The following DLG2 variants were observed in gnomAD, a reference collection of about 807,000 sequenced individuals.
DLG2 encodes the protein discs large MAGUK scaffold protein 2.
DLG2 carries 45 observed loss-of-function variants against 132.5 expected under a neutral mutation model. The observed-to-expected ratio is 0.34, with a 90% CI of 0.27 to 0.44. DLG2 has a LOEUF of 0.44. DLG2 is among the 20% of genes least tolerant of loss of function. The pLI is 1.00. For synonymous variants in DLG2, 424 were observed against 419.6 expected (o/e 1.01, Z -0.13); for missense variants, 1,045 against 1,196.9 (o/e 0.87, Z 1.87).
intron 7 of DLG2, among the ~76,000 whole-genome samples, chr11:84,412,894 C>T (rs1383515177): frequency 2.0e-5 from 3 of 152,182 alleles, no homozygotes; most frequent in Non-Finnish European, 4.4e-5. Flanking sequence ...GTATACTTCT[C>T]TAAGATTCCT....
chr11:84,906,411 C>G lies in DLG2; in HGVS notation c.357+205250G>C, dbSNP rs867965199. 2.8e-4 allele frequency among the ~76,000 whole-genome samples: 39 copies of G among 137,440 alleles called. 1 individual carries two copies. Among genetic ancestry groups the G allele is most frequent in the Middle Eastern group, 3.8e-3 (1 of 262 alleles). The allele number at this position is 137,440 out of a possible 152,430, so 90.2% of individuals were successfully genotyped here. The stretch of plus-strand genomic sequence containing the variant: ...ACACACACACACACACACACACACA[C>G]ACAGAGAGCCAAGGGGTGGCAATAA... On this transcript the variant is annotated intron_variant, in intron 6 of 27. Transcript: ENST00000376104.
chr11:84,946,066 C>T (rs967739950), intron 6 of DLG2, among the ~76,000 whole-genome samples: 1 of 152,106 alleles, frequency 6.6e-6, no homozygotes, highest in Non-Finnish European at 1.5e-5. Context: ...CTTCGGTCAG[C>T]TTGTGGTGAA....
At chr11:84,124,927 C>T (rs899048459) in intron 9 of DLG2, among the ~76,000 whole-genome samples, 1 of 149,398 alleles carries the variant, frequency 6.7e-6, no homozygotes, top group East Asian at 2.0e-4. Context: ...CTTGGCTTAC[C>T]GCAACATTTG....
intron 6 of DLG2, among the ~76,000 whole-genome samples, chr11:84,865,046 G>A (rs906146383): frequency 2.6e-5 from 4 of 152,072 alleles, no homozygotes; most frequent in Admixed American, 2.0e-4. Context: ...TTTAAAAAGG[G>A]CTTGACAGTG....
chr11:84,796,996 TC>T (rs1227471427), intron 6 of DLG2, among the ~76,000 whole-genome samples: 2 of 151,636 alleles, frequency 1.3e-5, no homozygotes, highest in Non-Finnish European at 2.9e-5. Context: ...ACAGGATGCA[TC>T]ACCACACCTG....
chr11:85,009,083 G>C lies in DLG2; in HGVS notation c.357+102578C>G, dbSNP rs2058935471. Among the ~76,000 whole-genome samples, 3 of 152,040 alleles carry C rather than the reference G, an allele frequency of 2.0e-5. No individual in the cohort carries two copies. In the South Asian group the frequency reaches 6.2e-4, roughly 32 times the overall value. Reference sequence around the variant, plus strand: ...CTGAAATATAGAAATTAATAAGAGAGTTACAGGAGATGAAACTAGAGGAAA... The same window carrying C: ...CTGAAATATAGAAATTAATAAGAGACTTACAGGAGATGAAACTAGAGGAAA... On this transcript the variant is annotated intron_variant, in intron 6 of 27. Transcript: ENST00000376104.
chr11:85,046,229 C>T (rs2062333620), intron 6 of DLG2, among the ~76,000 whole-genome samples: 1 of 152,134 alleles, frequency 6.6e-6, no homozygotes, highest in South Asian at 2.1e-4. Flanking sequence ...GCTGTGTTAT[C>T]TACCACAGGG....
Position 83,718,140 on chromosome 11 carries a change from C to T in DLG2, c.1825+68550G>A, listed in dbSNP as rs80347228. On this transcript the variant is annotated intron_variant, in intron 18 of 27. Coordinates refer to ENST00000376104, the MANE Select transcript of DLG2 (RefSeq NM_001142699.3). ...AAATTAAAATGCAATAGTTTAAATT[C>T]TATAGGTGCACAGAGGAAAGGGAGC... 1.5e-3 allele frequency among the ~76,000 whole-genome samples: 226 copies of T among 152,262 alleles called. 1 individual carries two copies. Among genetic ancestry groups the T allele is most frequent in the African/African-American group, 5.2e-3 (214 of 41,530 alleles).
rs186545752 is a variant in DLG2 at position 85,187,136 on chromosome 11, G to A, written c.187-32485C>T. ...AAACCAACCTCGAAATCACATCTCA[G>A]TGGCAATACTGAATATTACTAAAAC... is the stretch of plus-strand genomic sequence containing the variant. On this transcript the variant is annotated intron_variant, in intron 4 of 27. Coordinates refer to ENST00000376104, the MANE Select transcript of DLG2 (RefSeq NM_001142699.3). 3.3e-5 allele frequency among the ~76,000 whole-genome samples: 5 copies of A among 152,190 alleles called. No individual in the cohort carries two copies. In the East Asian group the frequency reaches 9.7e-4, roughly 29 times the overall value.
At chr11:85,302,613 G>T (rs1238846482) in intron 3 of DLG2, among the ~76,000 whole-genome samples, 1 of 149,594 alleles carries the variant, frequency 6.7e-6, no homozygotes, top group Non-Finnish European at 1.5e-5. Context: ...GTGGTGATAG[G>T]CTAATCCAAT....
chr11:84,544,347 A>C (rs139310388), intron 6 of DLG2, among the ~76,000 whole-genome samples: 23 of 152,368 alleles, frequency 1.5e-4, no homozygotes, highest in Non-Finnish European at 2.5e-4. Context: ...GTAAGATGCC[A>C]CACATTGAGG....
At chr11:84,967,483 T>C (rs1209095225) in intron 6 of DLG2, among the ~76,000 whole-genome samples, 1 of 152,098 alleles carries the variant, frequency 6.6e-6, no homozygotes, top group East Asian at 1.9e-4. Flanking sequence ...CAAAAGTAAT[T>C]TTCTCTTATA....
At chr11:83,962,832 G>A in intron 14 of DLG2, 53 bp downstream of exon 14, 1 of 1,596,060 alleles carries the variant, frequency 6.3e-7, no homozygotes, top group Non-Finnish European at 8.6e-7. Context: ...AGGCAAATGT[G>A]ATTTCTTTCT....
intron 8 of DLG2, among the ~76,000 whole-genome samples, chr11:84,224,258 G>A (rs1250485363): frequency 1.3e-5 from 2 of 152,210 alleles, no homozygotes; most frequent in Non-Finnish European, 2.9e-5. Flanking sequence ...GCATCAGTGA[G>A]AAGCTTAGCC....
rs370757637 is a variant in DLG2, at chr11:84,672,890, C to A, written c.358-138159G>T. The stretch of plus-strand genomic sequence containing the variant: ...TATGCAGGAAGCATGGCAGCATCAG[C>A]ATCTGGGAAGGCCTCAGGGAGCTTT... On this transcript the variant is annotated intron_variant, in intron 6 of 27. Coordinates refer to ENST00000376104, the MANE Select transcript of DLG2 (RefSeq NM_001142699.3). Among the ~76,000 whole-genome samples, 4 of 152,226 alleles carry A rather than the reference C, an allele frequency of 2.6e-5. No individual in the cohort carries two copies. In the South Asian group the frequency reaches 8.3e-4, roughly 32 times the overall value.
At chr11:84,747,966 G>A (rs753620325) in intron 6 of DLG2, among the ~76,000 whole-genome samples, 19 of 152,130 alleles carry the variant, frequency 1.2e-4, no homozygotes, top group Non-Finnish European at 1.5e-4. Flanking sequence ...CCCCTCTGTG[G>A]CCGAGTGCCA....
At chr11:83,507,195 C>T (rs1455506524) in intron 21 of DLG2, among the ~76,000 whole-genome samples, 1 of 152,182 alleles carries the variant, frequency 6.6e-6, no homozygotes, top group South Asian at 2.1e-4. Flanking sequence ...ACTCTCTAAA[C>T]AGTTCATGCC....
At chr11:83,802,862 G>A (rs964893423) in intron 17 of DLG2, among the ~76,000 whole-genome samples, 5 of 152,096 alleles carry the variant, frequency 3.3e-5, no homozygotes, top group African/African-American at 1.2e-4. Flanking sequence ...TGATAACAGA[G>A]GCTTTAAGGG....
chr11:84,831,936 T>C (rs200087097), intron 6 of DLG2, among the ~76,000 whole-genome samples: 2 of 151,688 alleles, frequency 1.3e-5, no homozygotes, highest in African/African-American at 4.8e-5. Context: ...AGCTCATTAA[T>C]TGAACAATTA....
Sources: allele counts gnomAD v4.1 joint callset (sites outside exome capture counted in the v4.1 genomes callset), GRCh38; gene constraint gnomAD v4.1.1; transcripts MANE v1.5; gene names NCBI Gene and HGNC (gene_info 2026-07-23, HGNC 2026-07-21).